ZNF804B: variants seen among roughly 807,000 people sequenced by gnomAD.
ZNF804B encodes the protein zinc finger 804B.
Under a neutral mutation model 101.4 loss-of-function variants are expected in ZNF804B, and 80 were observed. That is an observed-to-expected ratio of 0.79 (90% CI 0.66 to 0.95). The LOEUF (loss-of-function observed/expected upper bound fraction) is 0.95, where lower values mean the gene tolerates loss of function less well. ZNF804B is among the 40% of genes least tolerant of loss of function. The pLI is 0.00. For synonymous variants in ZNF804B, 622 were observed against 558.8 expected (o/e 1.11, Z -1.59); for missense variants, 1,673 against 1,561.9 (o/e 1.07, Z -1.20).
chr7:88,962,212 G>C (rs1349365098), intron 1 of ZNF804B, among the ~76,000 whole-genome samples: 1 of 151,246 alleles, frequency 6.6e-6, no homozygotes, highest in Non-Finnish European at 1.5e-5. Flanking sequence ...TTGTTTTGTA[G>C]AATTTGTATA....
chr7:89,183,664 A>G (rs922146025), intron 1 of ZNF804B, among the ~76,000 whole-genome samples: 30 of 152,304 alleles, frequency 2.0e-4, no homozygotes, highest in African/African-American at 6.7e-4. Context: ...GAATGATTTT[A>G]ATTTTCAAAT....
At chr7:88,977,582 A>G (rs536301343) in intron 1 of ZNF804B, among the ~76,000 whole-genome samples, 1 of 151,518 alleles carries the variant, frequency 6.6e-6, no homozygotes, top group African/African-American at 2.4e-5. Context: ...TGCAATATCC[A>G]TAGTAATGTC....
intron 1 of ZNF804B, among the ~76,000 whole-genome samples, chr7:89,027,013 A>G (rs1584082000): frequency 6.6e-6 from 1 of 152,254 alleles, no homozygotes; most frequent in Non-Finnish European, 1.5e-5. Flanking sequence ...ATTCCTGAGA[A>G]ATATCAATAT....
intron 2 of ZNF804B, among the ~76,000 whole-genome samples, chr7:89,255,558 T>C (rs1339779541): frequency 1.3e-5 from 2 of 152,202 alleles, no homozygotes; most frequent in East Asian, 1.9e-4. Context: ...CATAGTCATC[T>C]ATTTGAACAA....
intron 2 of ZNF804B, among the ~76,000 whole-genome samples, chr7:89,226,635 A>C (rs1789093037): frequency 1.3e-5 from 2 of 152,078 alleles, no homozygotes; most frequent in South Asian, 4.1e-4. Flanking sequence ...TATGCTATAC[A>C]TAATAGTCTT....
At chr7:89,092,430 T>TTG (rs1789907744) in intron 1 of ZNF804B, among the ~76,000 whole-genome samples, 2 of 117,534 alleles carry the variant, frequency 1.7e-5, no homozygotes, top group Non-Finnish European at 3.6e-5. Context: ...TTTTTTTTTT[T>TTG]GAGATGGAGT....
At chr7:88,794,538 A>G in intron 1 of ZNF804B, 2 of 1,613,658 alleles carry the variant, frequency 1.2e-6, no homozygotes, top group Non-Finnish European at 1.7e-6. Context: ...GAATGTTATG[A>G]GAAATGACTA....
At chr7:89,219,532 A>C (rs1339511681) in intron 2 of ZNF804B, among the ~76,000 whole-genome samples, 1 of 151,412 alleles carries the variant, frequency 6.6e-6, no homozygotes, top group African/African-American at 2.4e-5. Context: ...TAAATTACCT[A>C]CTCTCCAAAT....
At chr7:88,956,479 G>A (rs1416580121) in intron 1 of ZNF804B, among the ~76,000 whole-genome samples, 1 of 151,186 alleles carries the variant, frequency 6.6e-6, no homozygotes, top group Non-Finnish European at 1.5e-5. Flanking sequence ...TAATAACATA[G>A]CAATAATAAT....
chr7:88,825,302 A>G (rs140532366), intron 1 of ZNF804B, among the ~76,000 whole-genome samples: 1 of 152,234 alleles, frequency 6.6e-6, no homozygotes, highest in East Asian at 1.9e-4. Flanking sequence ...ACTCTCTCTC[A>G]ATAATCTCCA....
intron 1 of ZNF804B, among the ~76,000 whole-genome samples, chr7:88,985,707 A>T (rs1011712275): frequency 6.6e-6 from 1 of 152,120 alleles, no homozygotes; most frequent in Non-Finnish European, 1.5e-5. Context: ...GAACCAACAT[A>T]CTTTGTATAT....
At position 89,008,198 on chromosome 7, in the gene ZNF804B, C is replaced by G. The variant is rs577014278; in HGVS notation, c.109-209957C>G. Among the ~76,000 whole-genome samples the G allele has an allele frequency of 7.2e-5, 11 of 152,216 alleles. No homozygotes were observed. The East Asian group carries it at 2.1e-3, about 29-fold the overall frequency. The stretch of plus-strand genomic sequence containing the variant: ...TCCAAATCTTAGACATTTTTCTTGA[C>G]ACACCCAAATATATTGCATCAGACA... On this transcript the variant is annotated intron_variant, in intron 1 of 3. Coordinates refer to ENST00000333190, the MANE Select transcript of ZNF804B (RefSeq NM_181646.5).
intron 1 of ZNF804B, among the ~76,000 whole-genome samples, chr7:88,855,465 T>C (rs1205197060): frequency 9.2e-5 from 14 of 152,048 alleles, no homozygotes; most frequent in Non-Finnish European, 1.9e-4. Context: ...GTTTTTTTCT[T>C]GTAAATTTGT....
At chr7:89,096,859 T>C (rs1789978611) in intron 1 of ZNF804B, among the ~76,000 whole-genome samples, 1 of 152,158 alleles carries the variant, frequency 6.6e-6, no homozygotes, top group Non-Finnish European at 1.5e-5. Flanking sequence ...TAAAATAAGG[T>C]TAAAATTATG....
intron 1 of ZNF804B, among the ~76,000 whole-genome samples, chr7:88,790,309 G>A (rs547361208): frequency 4.6e-5 from 7 of 152,180 alleles, no homozygotes; most frequent in African/African-American, 1.7e-4. Context: ...AGTGCAGGAC[G>A]TGCAGATTTT....
intron 1 of ZNF804B, among the ~76,000 whole-genome samples, chr7:89,001,435 A>G (rs1178478301): frequency 6.6e-6 from 1 of 151,820 alleles, no homozygotes; most frequent in Non-Finnish European, 1.5e-5. Context: ...AAACTTCTCT[A>G]GTATGAACAT....
chr7:89,051,770 G>C (rs1261765273), intron 1 of ZNF804B, among the ~76,000 whole-genome samples: 1 of 151,976 alleles, frequency 6.6e-6, no homozygotes, highest in East Asian at 1.9e-4. Flanking sequence ...TAGTGTCATG[G>C]TTACAAGCAC....
chr7:89,014,433 C>T (rs937585503), intron 1 of ZNF804B, among the ~76,000 whole-genome samples: 41 of 152,238 alleles, frequency 2.7e-4, no homozygotes, highest in African/African-American at 8.4e-4. Flanking sequence ...TCTCCTGCCT[C>T]AGCCTCCCGA....
Position 88,959,605 on chromosome 7 carries a change from A to G in ZNF804B, c.108+199521A>G, listed in dbSNP as rs74698090. The stretch of plus-strand genomic sequence containing the variant: ...TTCCTCTGATACCTGGTTTCTGCCA[A>G]TTTGTCCATCCCCACACTGAATCTC... On this transcript the variant is annotated intron_variant, in intron 1 of 3. Transcript: ENST00000333190. Among the ~76,000 whole-genome samples, 819 of 151,290 alleles carry G rather than the reference A, an allele frequency of 5.4e-3. 34 individuals are homozygous for G. The East Asian group carries it at 0.069, about 13-fold the overall frequency.
Sources: allele counts gnomAD v4.1 joint callset (sites outside exome capture counted in the v4.1 genomes callset), GRCh38; gene constraint gnomAD v4.1.1; transcripts MANE v1.5; gene names NCBI Gene and HGNC (gene_info 2026-07-23, HGNC 2026-07-21).